The following ATP10A variants were observed in gnomAD, a reference collection of about 807,000 sequenced individuals.
ATP10A encodes the protein ATPase phospholipid transporting 10A (putative), also known as phospholipid-transporting ATPase VA.
ATP10A carries 111 observed loss-of-function variants against 147.8 expected under a neutral mutation model. The ratio of observed to expected loss-of-function variants is 0.75; its 90% CI spans 0.64 to 0.88. The LOEUF is 0.88. ATP10A is among the 40% of genes least tolerant of loss of function. The pLI is 0.00. For synonymous variants in ATP10A, 875 were observed against 841.6 expected, an observed-to-expected ratio of 1.04 and a Z score of -0.69; for missense variants, 1,927 against 1,959.0, an observed-to-expected ratio of 0.98 and a Z score of 0.31.
intron 2 of ATP10A, among the ~76,000 whole-genome samples, chr15:25,755,685 A>T (rs1398131622): frequency 6.6e-6 from 1 of 152,224 alleles, no homozygotes; most frequent in Non-Finnish European, 1.5e-5. Flanking sequence ...CCACCAGGAC[A>T]GATGGGCCTC....
chr15:25,781,236 T>C lies in ATP10A; in HGVS notation c.450-13A>G. 6.2e-7 allele frequency: 1 copy of C among 1,604,398 alleles called. No individual in the cohort carries two copies. Among genetic ancestry groups the C allele is most frequent in the South Asian group, 1.1e-5 (1 of 89,848 alleles). ...TTTCTTTTCTTCCCTAGAAAACAGA[T>C]TTTGATTAACAAAACTCACGAGACA... On this transcript the variant is annotated splice_polypyrimidine_tract_variant and intron_variant, in intron 1 of 20. Transcript: ENST00000555815.
At chr15:25,827,290 G>C (rs1180054094) in intron 1 of ATP10A, among the ~76,000 whole-genome samples, 2 of 152,202 alleles carry the variant, frequency 1.3e-5, no homozygotes, top group Non-Finnish European at 2.9e-5. Context: ...AGGCTGAAAT[G>C]AAAGCACACT....
intron 1 of ATP10A, among the ~76,000 whole-genome samples, chr15:25,844,122 C>T (rs207475302): frequency 3.9e-5 from 6 of 152,112 alleles, no homozygotes; most frequent in African/African-American, 4.8e-5. Flanking sequence ...ACAAAGCACA[C>T]GGTATTAAAA....
chr15:25,758,849 C>T (rs1464093856), intron 2 of ATP10A, among the ~76,000 whole-genome samples: 2 of 135,992 alleles, frequency 1.5e-5, no homozygotes, highest in African/African-American at 6.2e-5. Flanking sequence ...TCATTCCGAT[C>T]ACCTGCTCCA....
rs751865528 is a variant in ATP10A at position 25,687,974 on chromosome 15, G to A, written c.3166-146C>T. ...AGCGTGGCCGGCCAGGGTCTCCATC[G>A]CTGTCGTCTCCCTCAGCATCTCCTT... On this transcript the variant is annotated intron_variant, in intron 15 of 20. Transcript: ENST00000555815. 64 of 1,052,300 alleles carry A rather than the reference G, an allele frequency of 6.1e-5. 3 individuals are homozygous for A. The Middle Eastern group carries it at 8.1e-3, about 133-fold the overall frequency. 65.2% of individuals were successfully genotyped at this position (1,052,300 alleles called of 1,614,324 possible).
chr15:25,785,291 C>T (rs1276753499), intron 1 of ATP10A, among the ~76,000 whole-genome samples: 1 of 152,042 alleles, frequency 6.6e-6, no homozygotes, highest in Non-Finnish European at 1.5e-5. Flanking sequence ...TGCAATGTGG[C>T]TGGGGTCCTT....
At position 25,694,848 on chromosome 15, in the gene ATP10A, C is replaced by T; in HGVS notation, c.3059G>A (p.Ser1020Asn). 1 of 1,613,574 alleles carries T rather than the reference C, an allele frequency of 6.2e-7. No individual in the cohort carries two copies. The highest frequency in any genetic ancestry group is 8.5e-7 in the Non-Finnish European group (1 of 1,179,688). Reference protein sequence around the residue: ...QKSMVVKLVRSKLKAMTLAIG... With the variant: ...QKSMVVKLVRNKLKAMTLAIG... ...GGCCAGGGTCATGGCCTTGAGCTTG[C>T]TCCGCACCAGCTTCACCACCATGCT... Residue 1020 changes from serine (S) to asparagine (N), a missense_variant, in exon 14 of 21, where the codon AGC becomes AAC. Physicochemically the swap from Ser to Asn is conservative, Grantham distance 46. Transcript: ENST00000555815.
intron 15 of ATP10A, among the ~76,000 whole-genome samples, chr15:25,688,894 T>C (rs28651501): frequency 0.17 from 25,376 of 152,206 alleles, 2,311 homozygotes; most frequent in South Asian, 0.28. Flanking sequence ...GCTTTACCCA[T>C]TAACCCCATG....
At chr15:25,764,497 A>C (rs897383462) in intron 2 of ATP10A, among the ~76,000 whole-genome samples, 2 of 152,040 alleles carry the variant, frequency 1.3e-5, no homozygotes, top group Non-Finnish European at 2.9e-5. Context: ...AAGAAGAGAC[A>C]CTCACTCGAA....
intron 2 of ATP10A, among the ~76,000 whole-genome samples, chr15:25,760,902 T>A (rs573827187): frequency 3.3e-5 from 5 of 152,238 alleles, no homozygotes; most frequent in Non-Finnish European, 7.3e-5. Flanking sequence ...ATTCCACCTC[T>A]GGATTTATCT....
chr15:25,733,533 A>C (rs1477615899), intron 3 of ATP10A, among the ~76,000 whole-genome samples: 1 of 151,958 alleles, frequency 6.6e-6, no homozygotes, highest in Non-Finnish European at 1.5e-5. Context: ...TCACGGGGGC[A>C]AGTATTAACA....
chr15:25,781,323 T>C, intron 1 of ATP10A, 100 bp from the exon 2 acceptor site: 1 of 1,000,234 alleles, frequency 1.0e-6, no homozygotes. Context: ...CTTTCTACAT[T>C]TGCATAGGCT....
upstream of ATP10A, chr15:25,863,487 T>G (rs1893872227): frequency 6.6e-6 from 1 of 152,034 alleles, no homozygotes; most frequent in African/African-American, 2.4e-5. Context: ...TTCAGAGAGG[T>G]TTAGTTTCGT....
intron 2 of ATP10A, among the ~76,000 whole-genome samples, chr15:25,764,980 C>T (rs184950437): frequency 6.6e-6 from 1 of 152,332 alleles, no homozygotes; most frequent in East Asian, 1.9e-4. Flanking sequence ...AACCTCCCGG[C>T]TGAAGCGTTT....
In ATP10A at chr15:25,758,820, C is replaced by T. The variant is rs34680529; in HGVS notation, c.654+22199G>A. ...CCTGCTCCACCCTAACTCATTCCGA[C>T]CACCTGCTCCACCCTAACTCATTCC... On this transcript the variant is annotated intron_variant, in intron 2 of 20. Coordinates refer to ENST00000555815, the MANE Select transcript of ATP10A (RefSeq NM_024490.4). Among the ~76,000 whole-genome samples, 282 of 96,972 alleles carry T rather than the reference C, an allele frequency of 2.9e-3. 2 individuals are homozygous for T. The highest frequency in any genetic ancestry group is 6.7e-3 in the African/African-American group (131 of 19,620). The allele number at this position is 96,972 out of a possible 152,430, so 63.6% of individuals were successfully genotyped here.
chr15:25,804,976 C>G (rs1891116845), intron 1 of ATP10A, among the ~76,000 whole-genome samples: 1 of 152,116 alleles, frequency 6.6e-6, no homozygotes, highest in Admixed American at 6.6e-5. Context: ...GTTTGGAAAA[C>G]AGAAAGGCGG....
chr15:25,691,916 G>A, intron 14 of ATP10A, 125 bp from the exon 15 acceptor site: 1 of 1,047,166 alleles, frequency 9.5e-7, no homozygotes. Flanking sequence ...TGGGGAAGAT[G>A]GGGGAAAAAG....
chr15:25,746,532 AAC>A (rs1259453408), intron 2 of ATP10A, among the ~76,000 whole-genome samples: 2 of 152,216 alleles, frequency 1.3e-5, no homozygotes, highest in Admixed American at 1.3e-4. Flanking sequence ...AGAGCTGTAG[AAC>A]ACAGTTTTTC....
At chr15:25,832,012 T>C (rs1253988312) in intron 1 of ATP10A, among the ~76,000 whole-genome samples, 1 of 152,122 alleles carries the variant, frequency 6.6e-6, no homozygotes, top group African/African-American at 2.4e-5. Flanking sequence ...TACTGGAGTA[T>C]GGCGGGCCCT....
Sources: allele counts gnomAD v4.1 joint callset (sites outside exome capture counted in the v4.1 genomes callset), GRCh38; gene constraint gnomAD v4.1.1; transcripts MANE v1.5; gene names NCBI Gene and HGNC (gene_info 2026-07-23, HGNC 2026-07-21).